SLC6A7: variants seen among roughly 807,000 people sequenced by gnomAD.
The protein encoded by SLC6A7 is solute carrier family 6 member 7.
A neutral mutation model predicts 73.1 loss-of-function variants in SLC6A7; 58 were observed. The ratio of observed to expected loss-of-function variants is 0.79; its 90% confidence interval spans 0.64 to 0.99. The LOEUF (loss-of-function observed/expected upper bound fraction) is 0.99. SLC6A7 is among the 50% of genes least tolerant of loss of function. The pLI, the probability that SLC6A7 is intolerant of heterozygous loss-of-function variation, is 0.00. For missense variants in SLC6A7, 783 were observed against 831.4 expected (o/e 0.94, Z 0.72); for synonymous variants, 338 against 338.7 (o/e 1.00, Z 0.02).
intron 12 of SLC6A7, 96 bp downstream of exon 12, chr5:150,205,023 C>A: frequency 1.4e-6 from 1 of 739,536 alleles, no homozygotes; most frequent in Non-Finnish European, 2.3e-6. Flanking sequence ...CACCCTGGCC[C>A]GCAGTGGAGG....
In SLC6A7 at chr5:150,202,389, G is replaced by A. The variant is rs754759207; in HGVS notation, c.901G>A (p.Val301Met). 3.7e-6 allele frequency: 6 copies of A among 1,614,062 alleles called. No homozygotes were observed. Among genetic ancestry groups the A allele is most frequent in the Non-Finnish European group, 5.1e-6 (6 of 1,180,008 alleles). Reference protein sequence around the residue: ...AALQIFYSLGVGFGGLLTFAS... With the variant: ...AALQIFYSLGMGFGGLLTFAS... The stretch of plus-strand genomic sequence containing the variant: ...TCTTCAGATCTTCTATTCCCTGGGT[G>A]TGGGCTTCGGGGGGCTCCTCACCTT... Residue 301 changes from valine (V) to methionine (M), a missense_variant, in exon 7 of 14, where the codon GTG (valine) becomes ATG (methionine). Transcript: ENST00000230671.
At position 150,203,802 on chromosome 5, in the gene SLC6A7, G is replaced by C. The variant is rs1239220903; in HGVS notation, c.1200+23G>C. 4.6e-6 allele frequency: 7 copies of C among 1,523,110 alleles called. No homozygotes were observed. The African/African-American group carries it at 8.9e-5, about 19-fold the overall frequency. 94.3% of individuals were successfully genotyped at this position (1,523,110 alleles called of 1,614,324 possible). On this transcript the variant is annotated intron_variant, in intron 9 of 13. Coordinates refer to ENST00000230671, the MANE Select transcript of SLC6A7 (RefSeq NM_014228.5). The stretch of plus-strand genomic sequence containing the variant: ...CAGGTGAGTCTCGTCTGTGGCAGCA[G>C]GCACCCCGTGTGTGTGTGGTGTGTG...
Position 150,196,713 on chromosome 5 carries a change from C to T in SLC6A7, c.218-3C>T, listed in dbSNP as rs199872029. On this transcript the variant is annotated splice_region_variant and splice_polypyrimidine_tract_variant and intron_variant, in intron 2 of 13. Coordinates refer to ENST00000230671, the MANE Select transcript of SLC6A7 (RefSeq NM_014228.5). Reference sequence around the variant, plus strand: ...CCCTTGCTGACCACCCCGCTCCCGGCAGGCGCCTTCCTCGTGCCCTACTTC... The same window carrying T: ...CCCTTGCTGACCACCCCGCTCCCGGTAGGCGCCTTCCTCGTGCCCTACTTC... The T allele has an allele frequency of 4.7e-5, 76 of 1,612,616 alleles. No individual in the cohort carries two copies. In the African/African-American group the frequency reaches 6.9e-4, roughly 15 times the overall value.
Position 150,196,707 on chromosome 5 carries a change from TC to T in SLC6A7, c.218-6del, listed in dbSNP as rs1753038999. ...CCAAGGCCCTTGCTGACCACCCCGC[TC>T]CCGGCAGGCGCCTTCCTCGTGCCCT... On this transcript the variant is annotated splice_region_variant and splice_polypyrimidine_tract_variant and intron_variant, in intron 2 of 13. Transcript: ENST00000230671. The T allele has an allele frequency of 6.2e-7, 1 of 1,611,786 alleles. No individual in the cohort carries two copies. The highest frequency in any genetic ancestry group is 8.5e-7 in the Non-Finnish European group (1 of 1,178,816).
chr5:150,197,816 A>G (rs1356796557), intron 4 of SLC6A7, among the ~76,000 whole-genome samples: 2 of 152,178 alleles, frequency 1.3e-5, no homozygotes, highest in Non-Finnish European at 2.9e-5. Context: ...GTACATAGTA[A>G]GGACCATCTC....
intron 4 of SLC6A7, 49 bp downstream of exon 4, chr5:150,197,325 G>C: frequency 7.7e-7 from 1 of 1,301,184 alleles, no homozygotes; most frequent in South Asian, 1.4e-5. Context: ...CTGCACTGCT[G>C]AGGGTGGCCA....
chr5:150,194,090 GATC>G (rs1281822544), intron 1 of SLC6A7, among the ~76,000 whole-genome samples: 1 of 152,204 alleles, frequency 6.6e-6, no homozygotes, highest in African/African-American at 2.4e-5. Flanking sequence ...AACTTACTAA[GATC>G]ATCATCATGC....
At chr5:150,206,940 G>T (rs1753730475) in intron 13 of SLC6A7, among the ~76,000 whole-genome samples, 1 of 152,202 alleles carries the variant, frequency 6.6e-6, no homozygotes, top group Admixed American at 6.5e-5. Flanking sequence ...CAGCCAGGTG[G>T]AAGGGGCATG....
intron 1 of SLC6A7, among the ~76,000 whole-genome samples, chr5:150,194,150 C>G (rs1007103850): frequency 1.3e-5 from 2 of 152,192 alleles, no homozygotes; most frequent in East Asian, 1.9e-4. Flanking sequence ...GACCATCCAG[C>G]CGGCCACGGT....
chr5:150,202,324 C>T (rs1163052942), intron 6 of SLC6A7, 23 bp from the exon 7 acceptor site: 1 of 1,542,372 alleles, frequency 6.5e-7, no homozygotes, highest in Non-Finnish European at 9.0e-7. Context: ...GCACACCCTC[C>T]CTTTCCATCC....
chr5:150,194,353 C>T (rs189552623), intron 1 of SLC6A7, among the ~76,000 whole-genome samples: 6 of 151,620 alleles, frequency 4.0e-5, no homozygotes, highest in East Asian at 3.9e-4. Flanking sequence ...TGCTTGAACC[C>T]GGGAGGTGGA....
chr5:150,190,512 T>A, intron 1 of SLC6A7, 152 bp downstream of exon 1: 1 of 546,632 alleles, frequency 1.8e-6, no homozygotes, highest in East Asian at 3.5e-5. Flanking sequence ...ACAGGGAGGG[T>A]CAGGGTCACG....
rs184940198 is a variant in SLC6A7, at chr5:150,209,391, G to A, written c.1702-15G>A. 2.2e-5 allele frequency: 36 copies of A among 1,610,964 alleles called. No homozygotes were observed. Among genetic ancestry groups the A allele is most frequent in the Admixed American group, 1.2e-4 (7 of 60,022 alleles). ...CCTGTTTCCTGTTTTCACTGCTCTC[G>A]TTGCTTTGCTGCAGCGGCTCCAACA... On this transcript the variant is annotated splice_polypyrimidine_tract_variant and intron_variant, in intron 13 of 13. Coordinates refer to ENST00000230671, the MANE Select transcript of SLC6A7 (RefSeq NM_014228.5).
Position 150,199,272 on chromosome 5 carries a change from C to A in SLC6A7, c.629C>A (p.Pro210His). Residue 210 changes from proline (P) to histidine (H), a missense_variant, in exon 5 of 14, where the codon CCT becomes CAT. Physicochemically the swap from Pro to His is moderately conservative, Grantham distance 77 (BLOSUM62 -2). Transcript: ENST00000230671. ...CAAGGCAGCCAGGGCATCGGCAGCC[C>A]TGGGGAGATCCGCTGGAACCTCTGC... The part of the protein sequence containing the change: ...HIQGSQGIGS[P>H]GEIRWNLCLC... 2 of 1,613,972 alleles carry A rather than the reference C, an allele frequency of 1.2e-6. No individual in the cohort carries two copies. The highest frequency in any genetic ancestry group is 1.7e-6 in the Non-Finnish European group (2 of 1,179,902).
chr5:150,204,576 C>T lies in SLC6A7; in HGVS notation c.1377C>T (p.Ser459=). 1.2e-6 allele frequency: 2 copies of T among 1,614,160 alleles called. No homozygotes were observed. The highest frequency in any genetic ancestry group is 1.7e-6 in the Non-Finnish European group (2 of 1,179,972). ...WLVLLDDYSA[S]FGLMVVVITT... ...TCCTTCTGGATGACTACAGCGCCAGCTTCGGGCTGATGGTGGTGGTTATCA... is the reference window on the plus strand; with the variant it reads ...TCCTTCTGGATGACTACAGCGCCAGTTTCGGGCTGATGGTGGTGGTTATCA... Residue 459 remains serine (S), a synonymous_variant, in exon 11 of 14, where the codon AGC becomes AGT. Coordinates refer to ENST00000230671, the MANE Select transcript of SLC6A7 (RefSeq NM_014228.5).
At chr5:150,203,630 TG>T in intron 8 of SLC6A7, 36 bp from the exon 9 acceptor site, 1 of 1,049,960 alleles carries the variant, frequency 9.5e-7, no homozygotes, top group South Asian at 1.3e-5. Flanking sequence ...GCCCACCGCA[TG>T]ACCCAAGCTG....
chr5:150,204,828 C>T lies in SLC6A7; in HGVS notation c.1434C>T (p.Gly478=), dbSNP rs770732010. 6.2e-7 allele frequency: 1 copy of T among 1,605,964 alleles called. No individual in the cohort carries two copies. The highest frequency in any genetic ancestry group is 8.5e-7 in the Non-Finnish European group (1 of 1,173,270). The change falls in exon 12 of 14, where the codon GGC becomes GGT. Residue 478 remains glycine, a splice_region_variant and synonymous_variant. Transcript: ENST00000230671. The stretch of plus-strand genomic sequence containing the variant: ...TTCCTCCTCCCCTCCCCTGTGCAGG[C>T]ATTCAGAGGTTCTGCCGAGACATCC... ...TTCLAVTRVY[G]IQRFCRDIHM...
In SLC6A7 at chr5:150,203,707, C is replaced by T. The variant is rs1306823332; in HGVS notation, c.1128C>T (p.Thr376=). 5.0e-6 allele frequency: 8 copies of T among 1,612,944 alleles called. No individual in the cohort carries two copies. In the Admixed American group the frequency reaches 5.0e-5, roughly 10 times the overall value. ...TTGTCGTCTACCCACAGGCCATGAC[C>T]ATGCTGCCTCTGTCACCCTTCTGGT... is the stretch of plus-strand genomic sequence containing the variant. ...LAFVVYPQAM[T]MLPLSPFWSF... The change falls in exon 9 of 14, where the codon ACC becomes ACT. Residue 376 remains threonine, a synonymous_variant. Coordinates refer to ENST00000230671, the MANE Select transcript of SLC6A7 (RefSeq NM_014228.5).
At chr5:150,205,435 C>T in intron 12 of SLC6A7, 21 bp from the exon 13 acceptor site, 1 of 1,570,968 alleles carries the variant, frequency 6.4e-7, no homozygotes, top group African/African-American at 1.4e-5. Flanking sequence ...CGCAGTGATG[C>T]TGGGAGTCCC....
Sources: allele counts gnomAD v4.1 joint callset (sites outside exome capture counted in the v4.1 genomes callset), GRCh38; gene constraint gnomAD v4.1.1; transcripts MANE v1.5; gene names NCBI Gene and HGNC (gene_info 2026-07-23, HGNC 2026-07-21).